Variants in NRG3 observed in about 807,000 individuals in gnomAD.
NRG3 encodes neuregulin 3, also known as pro-neuregulin-3, membrane-bound isoform.
In NRG3, 31 loss-of-function variants were observed where a neutral mutation model predicts 66.9. The observed-to-expected ratio is 0.46, with a 90% CI of 0.35 to 0.63. NRG3 has a LOEUF of 0.63. Ranked by LOEUF, NRG3 falls within the 20% of genes least tolerant of loss-of-function variation. The pLI, the probability that NRG3 is intolerant of heterozygous loss-of-function variation, is 0.00. For missense variants in NRG3, 910 were observed against 878.9 expected, an observed-to-expected ratio of 1.04 and a Z score of -0.45; for synonymous variants, 393 against 359.4, an observed-to-expected ratio of 1.09 and a Z score of -1.06.
chr10:82,054,945 C>T (rs1333042787), intron 1 of NRG3, among the ~76,000 whole-genome samples: 1 of 151,632 alleles, frequency 6.6e-6, no homozygotes, highest in East Asian at 2.0e-4. Flanking sequence ...ACGGGAAGTT[C>T]AAGGTTACAG....
At chr10:81,909,504 G>C (rs1423649093) in intron 1 of NRG3, among the ~76,000 whole-genome samples, 1 of 152,012 alleles carries the variant, frequency 6.6e-6, no homozygotes, top group Non-Finnish European at 1.5e-5. Context: ...GTATCCAAGG[G>C]TTCCATCTCA....
chr10:82,392,907 A>C (rs2086480212), intron 2 of NRG3, among the ~76,000 whole-genome samples: 1 of 123,038 alleles, frequency 8.1e-6, no homozygotes, highest in African/African-American at 3.7e-5. Context: ...TATTTTTTGC[A>C]GGCTTCATAT....
At chr10:82,761,932 CTTTCTT>C (rs1428561186) in intron 3 of NRG3, among the ~76,000 whole-genome samples, 4 of 117,444 alleles carry the variant, frequency 3.4e-5, no homozygotes, top group African/African-American at 1.0e-4. Context: ...CTCTTTCTTT[CTTTCTT>C]TCTTTCTTTC....
intron 2 of NRG3, among the ~76,000 whole-genome samples, chr10:82,465,766 TC>T (rs1840612779): frequency 6.6e-6 from 1 of 152,104 alleles, no homozygotes; most frequent in African/African-American, 2.4e-5. Context: ...CCTCTGCTCT[TC>T]CCACTGGTTG....
intron 1 of NRG3, among the ~76,000 whole-genome samples, chr10:82,099,695 G>T (rs1421270209): frequency 6.6e-6 from 1 of 152,062 alleles, no homozygotes; most frequent in Non-Finnish European, 1.5e-5. Context: ...TCTAAGCTGG[G>T]CACTGTGGCT....
chr10:82,153,411 T>TTGTGTGTG (rs34783247), intron 1 of NRG3, among the ~76,000 whole-genome samples: 2,258 of 146,592 alleles, frequency 0.015, 57 homozygotes, highest in Admixed American at 0.048. Flanking sequence ...TAGTATTCCA[T>TTGTGTGTG]TGTGTGTGTG....
At chr10:82,220,576 G>GAAATATGCTTTTATTAGA (rs2075894435) in intron 1 of NRG3, among the ~76,000 whole-genome samples, 2 of 152,110 alleles carry the variant, frequency 1.3e-5, no homozygotes, top group South Asian at 4.1e-4. Context: ...AGGAGAATCT[G>GAAATATGCTTTTATTAGA]GAGGGCTTTT....
At chr10:82,790,959 CTGTT>C (rs1477948155) in intron 3 of NRG3, among the ~76,000 whole-genome samples, 6 of 151,280 alleles carry the variant, frequency 4.0e-5, no homozygotes, top group African/African-American at 1.5e-4. Context: ...TTAATATTCT[CTGTT>C]TAAGGTATTA....
At position 82,166,670 on chromosome 10, in the gene NRG3, A is replaced by G. The variant is rs1332250035; in HGVS notation, c.824-192069A>G. ...CACATATATATGTATATATAGAAAA[A>G]TATATATATTTACTAATTTAGTTAC... On this transcript the variant is annotated intron_variant, in intron 1 of 8. Coordinates refer to ENST00000372141, the MANE Select transcript of NRG3 (RefSeq NM_001010848.4). The G allele has an allele frequency of 8.3e-6, 4 of 480,966 alleles. No individual in the cohort carries two copies. The Admixed American group carries it at 1.3e-4, about 16-fold the overall frequency. The allele number at this position is 480,966 out of a possible 1,614,324, so 29.8% of individuals were successfully genotyped here. A position where few individuals can be genotyped will look rare whatever the true frequency, so the allele number is the denominator to read the frequency against.
intron 2 of NRG3, among the ~76,000 whole-genome samples, chr10:82,541,960 G>T (rs1311097749): frequency 7.2e-5 from 11 of 152,124 alleles, no homozygotes; most frequent in Admixed American, 7.2e-4. Context: ...GAGCATGCAG[G>T]TTTGTTATAT....
At chr10:82,292,832 TAGGCAAG>T (rs2079825999) in intron 1 of NRG3, among the ~76,000 whole-genome samples, 1 of 152,182 alleles carries the variant, frequency 6.6e-6, no homozygotes, top group Non-Finnish European at 1.5e-5. Flanking sequence ...TTCCAGGGTT[TAGGCAAG>T]AGTTCAGAGT....
intron 3 of NRG3, among the ~76,000 whole-genome samples, chr10:82,771,998 C>T (rs2059729195): frequency 1.3e-5 from 2 of 152,164 alleles, no homozygotes; most frequent in Non-Finnish European, 2.9e-5. Context: ...TCATTGTCAT[C>T]TCAGTTTAAA....
chr10:82,694,686 G>A (rs759296712), intron 2 of NRG3, among the ~76,000 whole-genome samples: 1 of 152,170 alleles, frequency 6.6e-6, no homozygotes, highest in Non-Finnish European at 1.5e-5. Flanking sequence ...CCAGAAGGTT[G>A]AGGCTGCACT....
At chr10:82,893,118 G>A (rs1414625085) in intron 4 of NRG3, among the ~76,000 whole-genome samples, 1 of 152,136 alleles carries the variant, frequency 6.6e-6, no homozygotes, top group African/African-American at 2.4e-5. Flanking sequence ...TAAGCTTGAT[G>A]TGATGGTCAC....
At chr10:82,859,490 G>T (rs536313989) in intron 3 of NRG3, among the ~76,000 whole-genome samples, 1 of 152,110 alleles carries the variant, frequency 6.6e-6, no homozygotes, top group African/African-American at 2.4e-5. Context: ...CCTGAGATTG[G>T]AATCAAGGCA....
chr10:82,884,338 G>A (rs186879492), intron 4 of NRG3, among the ~76,000 whole-genome samples: 101 of 151,944 alleles, frequency 6.6e-4, no homozygotes, highest in Non-Finnish European at 9.1e-4. Flanking sequence ...TCTAACTTTC[G>A]TCATCTTTGT....
intron 4 of NRG3, among the ~76,000 whole-genome samples, chr10:82,869,180 T>A (rs2135972343): frequency 6.6e-6 from 1 of 152,122 alleles, no homozygotes; most frequent in East Asian, 1.9e-4. Flanking sequence ...CTAGTTCTAT[T>A]TGTGTGTGTG....
At chr10:82,637,178 C>T (rs1212355988) in intron 2 of NRG3, among the ~76,000 whole-genome samples, 2 of 151,800 alleles carry the variant, frequency 1.3e-5, no homozygotes, top group African/African-American at 2.4e-5. Context: ...TAAGTATACA[C>T]AATAAAATTT....
At chr10:82,371,197 T>C (rs2084868947) in intron 2 of NRG3, among the ~76,000 whole-genome samples, 1 of 152,150 alleles carries the variant, frequency 6.6e-6, no homozygotes, top group South Asian at 2.1e-4. Flanking sequence ...GGGAAACGCA[T>C]TCTAGGCTGG....
Sources: gnomAD v4.1 joint callset for allele counts (sites outside exome capture counted in the v4.1 genomes callset) on GRCh38, gnomAD v4.1.1 for gene constraint, MANE v1.5 for transcripts, NCBI Gene and HGNC (gene_info 2026-07-23, HGNC 2026-07-21) for gene names.